Variants in SUCLG2 observed in about 807,000 individuals in gnomAD.
The protein encoded by SUCLG2 is succinate--CoA ligase [GDP-forming] subunit beta, mitochondrial.
In SUCLG2, 42 loss-of-function variants were observed where a neutral mutation model predicts 47.9. The ratio of observed to expected loss-of-function variants is 0.88; its 90% CI spans 0.69 to 1.14. SUCLG2 has a LOEUF of 1.14. Among genes scored for constraint, SUCLG2 ranks in the 50% most tolerant of loss-of-function variants. The pLI is 0.00. For missense variants in SUCLG2, 571 were observed against 525.9 expected (o/e 1.09, Z -0.84); for synonymous variants, 195 against 197.3 (o/e 0.99, Z 0.10).
chr3:67,387,115 G>A (rs1243844073), intron 10 of SUCLG2, among the ~76,000 whole-genome samples: 2 of 152,078 alleles, frequency 1.3e-5, no homozygotes, highest in Non-Finnish European at 2.9e-5. Flanking sequence ...AATGAAAATG[G>A]CAGACACGCC....
intron 2 of SUCLG2, among the ~76,000 whole-genome samples, chr3:67,594,209 T>C (rs577609600): frequency 6.6e-6 from 1 of 152,344 alleles, no homozygotes; most frequent in South Asian, 2.1e-4. Context: ...CCTAGCGTTG[T>C]TGAGGCAATA....
At chr3:67,418,648 A>G (rs114437931) in intron 9 of SUCLG2, among the ~76,000 whole-genome samples, 2,367 of 152,252 alleles carry the variant, frequency 0.016, 60 homozygotes, top group African/African-American at 0.054. Context: ...CTTCCTAGCC[A>G]TGGGAGAACA....
At chr3:67,452,676 A>G (rs577208446) in intron 9 of SUCLG2, among the ~76,000 whole-genome samples, 1 of 152,158 alleles carries the variant, frequency 6.6e-6, no homozygotes, top group East Asian at 1.9e-4. Flanking sequence ...TCCCTCTCAA[A>G]TATTTATTGA....
intron 9 of SUCLG2, among the ~76,000 whole-genome samples, chr3:67,442,012 CTT>C (rs540149754): frequency 1.0e-4 from 14 of 139,924 alleles, no homozygotes; most frequent in Non-Finnish European, 9.3e-5. Flanking sequence ...TACTTTCTTT[CTT>C]TTTTTTTTTT....
intron 2 of SUCLG2, among the ~76,000 whole-genome samples, chr3:67,601,765 C>T (rs1270011731): frequency 3.3e-5 from 5 of 152,040 alleles, no homozygotes; most frequent in South Asian, 2.1e-4. Context: ...GAAGATCACT[C>T]GAGGCCAGGA....
chr3:67,575,641 T>G (rs193146806), intron 2 of SUCLG2, among the ~76,000 whole-genome samples: 1 of 152,174 alleles, frequency 6.6e-6, no homozygotes, highest in Non-Finnish European at 1.5e-5. Context: ...AATCACTGAA[T>G]TATACACTTG....
chr3:67,587,076 C>G (rs1708041658), intron 2 of SUCLG2, among the ~76,000 whole-genome samples: 1 of 152,172 alleles, frequency 6.6e-6, no homozygotes. Context: ...TCACCACATC[C>G]ATTCATTTTT....
At chr3:67,507,034 C>G (rs1179949092) in intron 7 of SUCLG2, among the ~76,000 whole-genome samples, 2 of 152,132 alleles carry the variant, frequency 1.3e-5, no homozygotes, top group Non-Finnish European at 2.9e-5. Context: ...TCTCAATCCT[C>G]TATAAAATGG....
At chr3:67,625,943 T>C (rs562491414) in intron 1 of SUCLG2, among the ~76,000 whole-genome samples, 1 of 151,990 alleles carries the variant, frequency 6.6e-6, no homozygotes, top group Admixed American at 6.5e-5. Flanking sequence ...AAGAACTAGA[T>C]TGAAGTAGGA....
chr3:67,385,877 C>G (rs1702247501), intron 10 of SUCLG2, among the ~76,000 whole-genome samples: 1 of 152,198 alleles, frequency 6.6e-6, no homozygotes, highest in South Asian at 2.1e-4. Flanking sequence ...GCTGGATGGG[C>G]TGTGAACAAT....
downstream of SUCLG2, among the ~76,000 whole-genome samples, chr3:67,372,661 T>C (rs1478525859): frequency 6.6e-6 from 1 of 152,188 alleles, no homozygotes; most frequent in Admixed American, 6.5e-5. Flanking sequence ...CATTGGCAAG[T>C]GGCCTTTTGT....
At chr3:67,636,958 T>A (rs916306843) in intron 1 of SUCLG2, among the ~76,000 whole-genome samples, 1 of 152,010 alleles carries the variant, frequency 6.6e-6, no homozygotes, top group East Asian at 1.9e-4. Flanking sequence ...CAGGGAGCTG[T>A]AGAAAGTAAG....
chr3:67,500,375 T>G (rs1189092442), intron 7 of SUCLG2, among the ~76,000 whole-genome samples: 2 of 152,200 alleles, frequency 1.3e-5, no homozygotes, highest in Non-Finnish European at 2.9e-5. Flanking sequence ...AGTATATATA[T>G]AGACCGCACA....
intron 9 of SUCLG2, chr3:67,408,876 T>C (rs752701904): frequency 4.8e-6 from 7 of 1,467,540 alleles, no homozygotes; most frequent in Middle Eastern, 1.8e-4. Context: ...GTAAAGTCCA[T>C]GTTCGTTCCA....
intron 8 of SUCLG2, 54 bp from the exon 9 acceptor site, chr3:67,495,994 T>C (rs775193176): frequency 8.0e-5 from 129 of 1,605,778 alleles, no homozygotes; most frequent in Non-Finnish European, 1.1e-4. Context: ...CATGAAATGG[T>C]CCATAAACAT....
Position 67,375,691 on chromosome 3 carries a change from T to A in SUCLG2, c.*53A>T. On this transcript the variant is annotated 3_prime_UTR_variant, in exon 11 of 11. Coordinates refer to ENST00000307227, the MANE Select transcript of SUCLG2 (RefSeq NM_003848.4). ...CCATTTCTTTCACAATGATGAACCA[T>A]CCCTTTTTACGGAAAAATGGCTTTC... The A allele has an allele frequency of 6.4e-7, 1 of 1,557,840 alleles. No individual in the cohort carries two copies. Among genetic ancestry groups the A allele is most frequent in the South Asian group, 1.2e-5 (1 of 82,964 alleles).
intron 9 of SUCLG2, among the ~76,000 whole-genome samples, chr3:67,455,736 G>T (rs1704167454): frequency 6.6e-6 from 1 of 151,996 alleles, no homozygotes; most frequent in South Asian, 2.1e-4. Flanking sequence ...ATATGGCAGA[G>T]AAAGTGAAAA....
intron 9 of SUCLG2, among the ~76,000 whole-genome samples, chr3:67,437,285 GAAC>G (rs1703648171): frequency 6.6e-6 from 1 of 152,120 alleles, no homozygotes; most frequent in Non-Finnish European, 1.5e-5. Flanking sequence ...ACAAGAGCCT[GAAC>G]AACAAGAGAT....
chr3:67,466,176 A>C (rs985260657), intron 9 of SUCLG2, among the ~76,000 whole-genome samples: 5 of 151,914 alleles, frequency 3.3e-5, no homozygotes, highest in Non-Finnish European at 5.9e-5. Context: ...AACATGGTGA[A>C]ACTCCGTCTC....
Sources: gnomAD v4.1 joint callset for allele counts (sites outside exome capture counted in the v4.1 genomes callset) on GRCh38, gnomAD v4.1.1 for gene constraint, MANE v1.5 for transcripts, NCBI Gene and HGNC (gene_info 2026-07-23, HGNC 2026-07-21) for gene names.